GABBR2: variants seen among roughly 807,000 people sequenced by gnomAD.
The protein encoded by GABBR2 is G-protein coupled receptor 51.
In GABBR2, 23 loss-of-function variants were observed where a neutral mutation model predicts 105.6. The observed-to-expected ratio is 0.22, with a 90% CI of 0.16 to 0.31. GABBR2 has a LOEUF of 0.31. Ranked by LOEUF, GABBR2 falls within the 10% of genes least tolerant of loss-of-function variation. The probability of loss-of-function intolerance (pLI) is 1.00; values close to 1 mark genes in which losing one functional copy is unlikely to be tolerated. For missense variants in GABBR2, 734 were observed against 1,245.5 expected (o/e 0.59, Z 6.18); for synonymous variants, 478 against 499.7 (o/e 0.96, Z 0.58).
chr9:98,367,279 A>C (rs1285706420), intron 12 of GABBR2, among the ~76,000 whole-genome samples: 1 of 144,504 alleles, frequency 6.9e-6, no homozygotes, highest in Non-Finnish European at 1.5e-5. Flanking sequence ...AATTTATATA[A>C]ATCTAGTATA....
intron 2 of GABBR2, among the ~76,000 whole-genome samples, chr9:98,543,497 G>C (rs1235780927): frequency 6.6e-6 from 1 of 152,086 alleles, no homozygotes; most frequent in African/African-American, 2.4e-5. Context: ...CTCCGGGGTA[G>C]CTGGGACTAT....
At position 98,661,405 on chromosome 9, in the gene GABBR2, T is replaced by TC. The variant is rs34345929; in HGVS notation, c.321+47011dup. Among the ~76,000 whole-genome samples the TC allele has an allele frequency of 9.6e-3, 1,452 of 151,554 alleles. 10 individuals carry two copies. The highest frequency in any genetic ancestry group is 0.015 in the Non-Finnish European group (1,049 of 67,842). ...TTGTGTATTGAGACGTGTTGACTTTTCCCCCACCCCCCCGATATGGAGTCT... is the reference window on the plus strand; with the variant it reads ...TTGTGTATTGAGACGTGTTGACTTTTCCCCCCACCCCCCCGATATGGAGTCT... On this transcript the variant is annotated intron_variant, in intron 1 of 18. Coordinates refer to ENST00000259455, the MANE Select transcript of GABBR2 (RefSeq NM_005458.8).
intron 12 of GABBR2, among the ~76,000 whole-genome samples, chr9:98,369,554 C>T (rs1256032358): frequency 6.6e-6 from 1 of 152,232 alleles, no homozygotes; most frequent in Non-Finnish European, 1.5e-5. Context: ...CTTTGTCTAA[C>T]ACGGCAGATC....
At position 98,303,585 on chromosome 9, in the gene GABBR2, T is replaced by C. The variant is rs146772005; in HGVS notation, c.2230-162A>G. On this transcript the variant is annotated intron_variant, in intron 15 of 18. Coordinates refer to ENST00000259455, the MANE Select transcript of GABBR2 (RefSeq NM_005458.8). The stretch of plus-strand genomic sequence containing the variant: ...GGAGACCTAGGCTCAGGCCAGACTC[T>C]GCTACTCGCTTGTGTGTGACCTGGG... 5.8e-3 allele frequency among the ~76,000 whole-genome samples: 886 copies of C among 152,350 alleles called. 13 individuals are homozygous for C. Among genetic ancestry groups the C allele is most frequent in the African/African-American group, 0.02 (847 of 41,574 alleles).
intron 1 of GABBR2, among the ~76,000 whole-genome samples, chr9:98,632,256 G>A (rs1477091072): frequency 3.3e-5 from 5 of 152,182 alleles, no homozygotes; most frequent in African/African-American, 9.7e-5. Flanking sequence ...ACCTCTCTAA[G>A]CCTCCAGTTT....
chr9:98,508,619 C>T (rs1417369512), intron 3 of GABBR2, among the ~76,000 whole-genome samples: 1 of 152,254 alleles, frequency 6.6e-6, no homozygotes, highest in Non-Finnish European at 1.5e-5. Context: ...AGATTATATC[C>T]CGCGCATGGC....
rs144138473 is a variant in GABBR2, at chr9:98,371,613, T to A, written c.1663-42A>T. On this transcript the variant is annotated intron_variant, in intron 11 of 18. Transcript: ENST00000259455. ...AACAGAGGCATTGACCTTCCTTAGG[T>A]AGACAGACTTCATCAGGTATGAGTC... The A allele has an allele frequency of 9.6e-5, 102 of 1,066,320 alleles. 1 individual carries two copies. The Middle Eastern group carries it at 2.6e-3, about 27-fold the overall frequency. The allele number at this position is 1,066,320 out of a possible 1,614,324, so 66.1% of individuals were successfully genotyped here.
chr9:98,653,930 G>A (rs1373159982), intron 1 of GABBR2, among the ~76,000 whole-genome samples: 3 of 152,212 alleles, frequency 2.0e-5, no homozygotes, highest in African/African-American at 7.2e-5. Context: ...CACACCATGA[G>A]TGGGTATATT....
chr9:98,302,906 A>G, intron 16 of GABBR2: 1 of 279,852 alleles, frequency 3.6e-6, no homozygotes, highest in Non-Finnish European at 6.6e-6. Context: ...ACTGAGAGGG[A>G]GAGAGACACA....
chr9:98,485,503 C>G (rs1827025871), intron 4 of GABBR2, among the ~76,000 whole-genome samples: 2 of 141,428 alleles, frequency 1.4e-5, no homozygotes, highest in Admixed American at 1.4e-4. Context: ...TACACACACG[C>G]AGGCACACAC....
At chr9:98,485,749 A>T (rs544132489) in intron 4 of GABBR2, among the ~76,000 whole-genome samples, 1 of 152,318 alleles carries the variant, frequency 6.6e-6, no homozygotes, top group East Asian at 1.9e-4. Flanking sequence ...GGTCCAAAGA[A>T]TTAAGCAAAC....
At chr9:98,393,179 CATCCATCT>C (rs1832222704) in intron 9 of GABBR2, among the ~76,000 whole-genome samples, 1 of 148,698 alleles carries the variant, frequency 6.7e-6, no homozygotes, top group African/African-American at 2.5e-5. Context: ...TCCATCCATC[CATCCATCT>C]ATCCATCCAC....
intron 4 of GABBR2, among the ~76,000 whole-genome samples, chr9:98,488,587 G>A (rs1827108755): frequency 6.6e-6 from 1 of 152,016 alleles, no homozygotes; most frequent in African/African-American, 2.4e-5. Context: ...AAAAAATAAA[G>A]ATGAGAGCTT....
chr9:98,550,531 C>A (rs1163895672), intron 2 of GABBR2, among the ~76,000 whole-genome samples: 1 of 152,164 alleles, frequency 6.6e-6, no homozygotes, highest in African/African-American at 2.4e-5. Context: ...ATCCTCACCA[C>A]CACAGCCCCT....
intron 1 of GABBR2, among the ~76,000 whole-genome samples, chr9:98,612,697 G>A (rs2131815022): frequency 6.6e-6 from 1 of 152,244 alleles, no homozygotes; most frequent in South Asian, 2.1e-4. Context: ...TAAAGACATA[G>A]CATTACTCAA....
intron 7 of GABBR2, among the ~76,000 whole-genome samples, chr9:98,408,942 G>T (rs1832536546): frequency 6.6e-6 from 1 of 152,178 alleles, no homozygotes; most frequent in Non-Finnish European, 1.5e-5. Context: ...TTACACCCAG[G>T]TAATTTACTA....
chr9:98,590,975 T>C (rs970373818), intron 1 of GABBR2, among the ~76,000 whole-genome samples: 1 of 152,174 alleles, frequency 6.6e-6, no homozygotes, highest in African/African-American at 2.4e-5. Flanking sequence ...TCATGGTAGA[T>C]GCTGAAGACG....
At chr9:98,600,045 A>T (rs1488654148) in intron 1 of GABBR2, among the ~76,000 whole-genome samples, 1 of 152,172 alleles carries the variant, frequency 6.6e-6, no homozygotes, top group Admixed American at 6.5e-5. Flanking sequence ...GGATGGGCTC[A>T]TGGAGGCAGC....
chr9:98,553,123 AT>A (rs1366780470), intron 2 of GABBR2, among the ~76,000 whole-genome samples: 3 of 151,828 alleles, frequency 2.0e-5, no homozygotes, highest in Non-Finnish European at 4.4e-5. Flanking sequence ...GCCTCAAGTG[AT>A]CCTCCTGCCT....
Sources: allele counts gnomAD v4.1 joint callset (sites outside exome capture counted in the v4.1 genomes callset), GRCh38; gene constraint gnomAD v4.1.1; transcripts MANE v1.5; gene names NCBI Gene and HGNC (gene_info 2026-07-23, HGNC 2026-07-21).